The following ANKRD30BL variants were observed in gnomAD, a reference collection of about 807,000 sequenced individuals.
ANKRD30BL encodes the protein ankyrin repeat domain 30B like, also known as putative ankyrin repeat domain-containing protein 30B-like.
Under a neutral mutation model 18.4 loss-of-function variants are expected in ANKRD30BL, and 20 were observed. The observed-to-expected ratio is 1.09, with a 90% CI of 0.77 to 1.58. ANKRD30BL has a LOEUF of 1.58. ANKRD30BL is among the 40% of genes most tolerant of loss of function. The pLI, the probability that ANKRD30BL is intolerant of heterozygous loss-of-function variation, is 0.00. For missense variants in ANKRD30BL, 224 were observed against 268.6 expected, an observed-to-expected ratio of 0.83 and a Z score of 1.16; for synonymous variants, 72 against 100.9, an observed-to-expected ratio of 0.71 and a Z score of 1.72.
intron 4 of ANKRD30BL, chr2:132,152,411 C>A (rs541230298): frequency 1.3e-5 from 2 of 152,322 alleles, no homozygotes; most frequent in East Asian, 3.9e-4. Flanking sequence ...TCTGTTAAAT[C>A]TAACCAACTT....
At chr2:132,236,517 T>C (rs894935523) in intron 1 of ANKRD30BL, among the ~76,000 whole-genome samples, 7 of 151,870 alleles carry the variant, frequency 4.6e-5, no homozygotes, top group East Asian at 1.9e-4. Context: ...AAAAAACACA[T>C]GAAAAAATGC....
intron 1 of ANKRD30BL, among the ~76,000 whole-genome samples, chr2:132,241,861 T>C (rs907593532): frequency 1.3e-5 from 2 of 151,936 alleles, no homozygotes. Context: ...TATCTTCACA[T>C]AAAAACTAGA....
chr2:132,246,102 C>T (rs1829266), intron 1 of ANKRD30BL, among the ~76,000 whole-genome samples: 4,899 of 143,596 alleles, frequency 0.034, 270 homozygotes, highest in African/African-American at 0.12. Context: ...GATAGATTGA[C>T]GCTTTCCTTG....
chr2:132,202,177 G>GA (rs58250523), intron 1 of ANKRD30BL, among the ~76,000 whole-genome samples: 26,970 of 151,898 alleles, frequency 0.18, 5,362 homozygotes, highest in African/African-American at 0.49. Flanking sequence ...AGCATTGGGA[G>GA]TATACCTAAT....
intron 1 of ANKRD30BL, among the ~76,000 whole-genome samples, chr2:132,254,920 TGTCC>T (rs1680781402): frequency 6.6e-6 from 1 of 152,226 alleles, no homozygotes; most frequent in South Asian, 2.1e-4. Context: ...CTGTCAATCC[TGTCC>T]GTGTCCAGGC....
intron 1 of ANKRD30BL, among the ~76,000 whole-genome samples, chr2:132,255,699 G>A (rs1012427672): frequency 1.3e-4 from 20 of 152,142 alleles, no homozygotes; most frequent in Non-Finnish European, 2.4e-4. Flanking sequence ...CCCGTGTCAG[G>A]AGTGGGTAAT....
chr2:132,219,267 G>A, intron 1 of ANKRD30BL, among the ~76,000 whole-genome samples: 1 of 151,072 alleles, frequency 6.6e-6, no homozygotes, highest in Admixed American at 6.6e-5. Flanking sequence ...GGATCTGCAA[G>A]TGGATATTTG....
In ANKRD30BL at chr2:132,237,029, A is replaced by T. The variant is rs563394976; in HGVS notation, n.441+20500T>A. Among the ~76,000 whole-genome samples the T allele has an allele frequency of 2.4e-3, 361 of 151,986 alleles. 9 individuals carry two copies. The Admixed American group carries it at 0.024, about 10-fold the overall frequency. On this transcript the variant is annotated intron_variant and non_coding_transcript_variant, in intron 1 of 4. Transcript: ENST00000470729. ...TCTCAGTAAACTATCGCAAGAACAA[A>T]AAACCAAACACTGCATATTCTCACT...
chr2:132,234,126 C>A (rs577210627), intron 1 of ANKRD30BL, among the ~76,000 whole-genome samples: 2 of 152,238 alleles, frequency 1.3e-5, no homozygotes, highest in East Asian at 3.9e-4. Flanking sequence ...TAAAGATGTT[C>A]TTTGAAACCA....
At chr2:132,224,111 C>T (rs1357985863) in intron 1 of ANKRD30BL, among the ~76,000 whole-genome samples, 3 of 151,976 alleles carry the variant, frequency 2.0e-5, no homozygotes, top group Non-Finnish European at 4.4e-5. Flanking sequence ...TGTTTTGAGG[C>T]CTTCGTTGGA....
intron 1 of ANKRD30BL, among the ~76,000 whole-genome samples, chr2:132,210,985 C>T (rs1325755712): frequency 6.6e-6 from 1 of 151,808 alleles, no homozygotes; most frequent in Non-Finnish European, 1.5e-5. Flanking sequence ...TTTTGAAACA[C>T]TCTTTTTGTG....
chr2:132,189,249 A>G (rs1448494722), intron 1 of ANKRD30BL, among the ~76,000 whole-genome samples: 2 of 152,232 alleles, frequency 1.3e-5, no homozygotes, highest in African/African-American at 2.4e-5. Context: ...TAAGAAAACC[A>G]TAAGCAGACA....
intron 1 of ANKRD30BL, among the ~76,000 whole-genome samples, chr2:132,192,579 G>A (rs1161595785): frequency 6.6e-6 from 1 of 152,234 alleles, no homozygotes; most frequent in Non-Finnish European, 1.5e-5. Flanking sequence ...TCATCATGAG[G>A]TGGAAATAGT....
intron 1 of ANKRD30BL, among the ~76,000 whole-genome samples, chr2:132,254,327 G>A (rs199821121): frequency 3.9e-5 from 6 of 152,172 alleles, no homozygotes; most frequent in South Asian, 2.1e-4. Context: ...CGGCGTCTCC[G>A]TGGCTTCGCT....
chr2:132,243,479 A>G (rs1323137383), intron 1 of ANKRD30BL, among the ~76,000 whole-genome samples: 4 of 151,598 alleles, frequency 2.6e-5, no homozygotes, highest in Non-Finnish European at 5.9e-5. Context: ...TTCCTTTGAT[A>G]CAGCAGTTTT....
chr2:132,232,317 G>A (rs1027271001), intron 1 of ANKRD30BL, among the ~76,000 whole-genome samples: 18 of 152,280 alleles, frequency 1.2e-4, no homozygotes, highest in African/African-American at 2.4e-4. Context: ...CACCAGCAAC[G>A]GAACAAAGCT....
intron 1 of ANKRD30BL, among the ~76,000 whole-genome samples, chr2:132,212,758 C>A (rs191889491): frequency 0.012 from 1,775 of 151,984 alleles, 32 homozygotes; most frequent in African/African-American, 0.041. Context: ...GTAGACTCTG[C>A]AAGTGGACAT....
At chr2:132,165,603 G>C (rs951981617), upstream of ANKRD30BL, among the ~76,000 whole-genome samples, 1 of 151,460 alleles carries the variant, frequency 6.6e-6, no homozygotes, top group Non-Finnish European at 1.5e-5. Context: ...GGAGCCTGTA[G>C]TCCCAGCTAC....
rs1446325200 is a variant in ANKRD30BL at position 132,161,477 on chromosome 2, G to A, written c.218+11C>T. The A allele has an allele frequency of 4.1e-6, 6 of 1,452,698 alleles. No individual in the cohort carries two copies. Among genetic ancestry groups the A allele is most frequent in the Non-Finnish European group, 5.7e-6 (6 of 1,059,956 alleles). 90.0% of individuals were successfully genotyped at this position (1,452,698 alleles called of 1,614,324 possible). On this transcript the variant is annotated intron_variant, in intron 1 of 5. Transcript: ENST00000409867. ...TCCTCCTGCAGCCCCGGCTCAGGCA[G>A]GGCCTGGTACCTCTTCTTCGCATCT...
Sources: gnomAD v4.1 joint callset for allele counts (sites outside exome capture counted in the v4.1 genomes callset) on GRCh38, gnomAD v4.1.1 for gene constraint, MANE v1.5 for transcripts, NCBI Gene and HGNC (gene_info 2026-07-23, HGNC 2026-07-21) for gene names.